GNB1: variants seen among roughly 807,000 people sequenced by gnomAD.
The protein encoded by GNB1 is G protein subunit beta 1.
Under a neutral mutation model 42.9 loss-of-function variants are expected in GNB1, and 2 were observed. The observed-to-expected ratio is 0.05, with a 90% CI of 0.02 to 0.15. The LOEUF is 0.15. GNB1 is among the 10% of genes least tolerant of loss of function. The pLI, the probability that GNB1 is intolerant of heterozygous loss-of-function variation, is 1.00. For missense variants in GNB1, 193 were observed against 462.2 expected, an observed-to-expected ratio of 0.42 and a Z score of 5.34; for synonymous variants, 183 against 174.7, an observed-to-expected ratio of 1.05 and a Z score of -0.38.
intron 7 of GNB1, among the ~76,000 whole-genome samples, chr1:1,800,276 T>A (rs1171102266): frequency 1.3e-5 from 2 of 152,152 alleles, no homozygotes; most frequent in South Asian, 2.1e-4. Context: ...TCCTTGTGGA[T>A]GCAAAATAAA....
intron 1 of GNB1, among the ~76,000 whole-genome samples, chr1:1,868,175 G>A (rs558919995): frequency 2.0e-5 from 3 of 151,724 alleles, no homozygotes; most frequent in South Asian, 2.1e-4. Context: ...TGTGTGTTTT[G>A]TTTTTTTGTT....
chr1:1,804,392 T>C, intron 7 of GNB1, 27 bp downstream of exon 7: 1 of 1,579,382 alleles, frequency 6.3e-7, no homozygotes, highest in Non-Finnish European at 8.7e-7. Context: ...CTTGTGTCAC[T>C]TGAAGCTTAT....
At chr1:1,839,955 GACCAGTCTGGCCAACGTGGCTA>G (rs1186576984) in intron 1 of GNB1, among the ~76,000 whole-genome samples, 1 of 151,738 alleles carries the variant, frequency 6.6e-6, no homozygotes, top group Non-Finnish European at 1.5e-5. Context: ...AAGAGTTCGA[GACCAGTCTGGCCAACGTGGCTA>G]ACTAAAAATT....
chr1:1,881,082 C>A (rs6603802), intron 1 of GNB1, among the ~76,000 whole-genome samples: 2 of 151,926 alleles, frequency 1.3e-5, no homozygotes, highest in Non-Finnish European at 2.9e-5. Context: ...TAAGGCCTGC[C>A]GTACCCTCGA....
At chr1:1,793,631 T>A (rs1646509272) in intron 7 of GNB1, 2 of 192,236 alleles carry the variant, frequency 1.0e-5, no homozygotes. Context: ...AGGCTGGGGA[T>A]CCCTCGTCTA....
chr1:1,886,965 G>A (rs1244295419), intron 1 of GNB1, among the ~76,000 whole-genome samples: 7 of 152,054 alleles, frequency 4.6e-5, no homozygotes, highest in South Asian at 4.1e-4. Context: ...CGCCTGACTC[G>A]GCCTCCCAAA....
At chr1:1,828,138 T>C (rs1289699428) in intron 2 of GNB1, among the ~76,000 whole-genome samples, 2 of 152,064 alleles carry the variant, frequency 1.3e-5, no homozygotes, top group Admixed American at 1.3e-4. Context: ...GTGGTTAACA[T>C]GGAGAAACCC....
chr1:1,816,868 G>A lies in GNB1; in HGVS notation c.96+969C>T, dbSNP rs372400236. ...TCACCATGTTGGTTAGGCTGGTCTC[G>A]AACTCCTGACCTCAAGTGATCCACC... On this transcript the variant is annotated intron_variant, in intron 4 of 11. Transcript: ENST00000378609. 8.6e-5 allele frequency among the ~76,000 whole-genome samples: 13 copies of A among 152,014 alleles called. 1 individual carries two copies. The highest frequency in any genetic ancestry group is 2.6e-4 in the Admixed American group (4 of 15,232).
At chr1:1,888,868 T>C (rs934734527) in intron 1 of GNB1, among the ~76,000 whole-genome samples, 1 of 152,064 alleles carries the variant, frequency 6.6e-6, no homozygotes, top group African/African-American at 2.4e-5. Context: ...TGCCTTAGCA[T>C]AAACCAAGAC....
At chr1:1,848,367 A>G (rs1647793361) in intron 1 of GNB1, among the ~76,000 whole-genome samples, 1 of 151,512 alleles carries the variant, frequency 6.6e-6, no homozygotes, top group Admixed American at 6.6e-5. Context: ...CAAAAAAAAA[A>G]AAAAAAAGAA....
intron 6 of GNB1, among the ~76,000 whole-genome samples, 194 bp from the exon 7 acceptor site, chr1:1,804,775 T>A (rs1244848230): frequency 6.6e-6 from 1 of 152,214 alleles, no homozygotes; most frequent in Non-Finnish European, 1.5e-5. Flanking sequence ...GTGCTGCACA[T>A]GGGATTCAAA....
intron 2 of GNB1, among the ~76,000 whole-genome samples, chr1:1,826,217 G>A (rs1479663336): frequency 6.6e-6 from 1 of 152,144 alleles, no homozygotes; most frequent in African/African-American, 2.4e-5. Flanking sequence ...AGGAGTTCAA[G>A]ACCAGCCTGG....
Position 1,787,212 on chromosome 1 carries a change from A to G in GNB1, c.*9+110T>C. The G allele has an allele frequency of 1.4e-6, 1 of 694,070 alleles. No individual in the cohort carries two copies. Among genetic ancestry groups the G allele is most frequent in the Non-Finnish European group, 2.5e-6 (1 of 394,176 alleles). The allele number at this position is 694,070 out of a possible 1,614,324, so 43.0% of individuals were successfully genotyped here. A position where few individuals can be genotyped will look rare whatever the true frequency, so the allele number is the denominator to read the frequency against. ...AACGTTTCCCACAACACAATTCCAA[A>G]TCAATGCTACATCAACATTTATCTA... On this transcript the variant is annotated intron_variant, in intron 11 of 11. Transcript: ENST00000378609. This position sits in a 1 kb window ranked among gnomAD's most constrained non-coding sequence, Gnocchi z 4.4.
Position 1,805,570 on chromosome 1 carries a change from C to T in GNB1, c.267+905G>A, listed in dbSNP as rs565724071. On this transcript the variant is annotated intron_variant, in intron 6 of 11. Coordinates refer to ENST00000378609, the MANE Select transcript of GNB1 (RefSeq NM_002074.5). ...AAATTTTTTTTTCGAGATGGAGTTT[C>T]GCTCTTGTTGCCCAGGTTTGAGTGC... 2.2e-4 allele frequency among the ~76,000 whole-genome samples: 34 copies of T among 152,012 alleles called. 2 individuals carry two copies. The South Asian group carries it at 2.9e-3, about 13-fold the overall frequency.
chr1:1,833,345 G>A (rs933533524), intron 2 of GNB1, among the ~76,000 whole-genome samples: 2 of 152,098 alleles, frequency 1.3e-5, no homozygotes, highest in African/African-American at 2.4e-5. Context: ...CCAAGTCCAG[G>A]TCAATCTCCA....
intron 2 of GNB1, 99 bp downstream of exon 2, chr1:1,839,089 CTT>C (rs1223187834): frequency 6.6e-6 from 1 of 152,112 alleles, no homozygotes; most frequent in Non-Finnish European, 1.5e-5. Flanking sequence ...AACACTGTCT[CTT>C]TAAAAAACCA....
intron 3 of GNB1, among the ~76,000 whole-genome samples, chr1:1,821,986 C>A (rs553708948): frequency 3.3e-5 from 5 of 152,142 alleles, no homozygotes; most frequent in African/African-American, 7.2e-5. Context: ...TTGAAAAAAA[C>A]CAGCCAGGTG....
intron 5 of GNB1, among the ~76,000 whole-genome samples, chr1:1,807,477 AAAAAAAAAAAAAAAAAC>A (rs1415696748): frequency 1.6e-4 from 23 of 148,228 alleles, no homozygotes; most frequent in African/African-American, 5.7e-4. Flanking sequence ...AAAAAAAAAA[AAAAAAAAAAAAAAAAAC>A]AAACAGAAAG....
intron 1 of GNB1, among the ~76,000 whole-genome samples, chr1:1,887,850 T>C (rs1040815664): frequency 6.6e-6 from 1 of 152,104 alleles, no homozygotes; most frequent in Non-Finnish European, 1.5e-5. Context: ...CCCAGCCTCA[T>C]GTGATCCGCC....
Sources: allele counts gnomAD v4.1 joint callset (sites outside exome capture counted in the v4.1 genomes callset), GRCh38; gene constraint gnomAD v4.1.1; non-coding constraint Gnocchi (gnomAD v3.1); transcripts MANE v1.5; gene names NCBI Gene and HGNC (gene_info 2026-07-23, HGNC 2026-07-21).